Variants in LDHC observed in about 807,000 individuals in gnomAD.
LDHC encodes the protein lactate dehydrogenase C.
LDHC carries 20 observed loss-of-function variants against 30.2 expected under a neutral mutation model. The ratio of observed to expected loss-of-function variants is 0.66; its 90% CI spans 0.47 to 0.96. The LOEUF is 0.96. LDHC is among the 40% of genes least tolerant of loss of function. The probability of loss-of-function intolerance (pLI) is 0.00; values close to 1 mark genes in which losing one functional copy is unlikely to be tolerated. For synonymous variants in LDHC, 139 were observed against 132.7 expected, an observed-to-expected ratio of 1.05 and a Z score of -0.32; for missense variants, 362 against 394.9, an observed-to-expected ratio of 0.92 and a Z score of 0.71.
intron 3 of LDHC, among the ~76,000 whole-genome samples, chr11:18,421,979 C>CCA (rs1848067252): frequency 6.6e-6 from 1 of 151,092 alleles, no homozygotes; most frequent in African/African-American, 2.5e-5. Flanking sequence ...CAAAAATTAG[C>CCA]TGCATGTGGT....
chr11:18,417,138 C>T (rs147713085), intron 3 of LDHC, among the ~76,000 whole-genome samples: 2,300 of 152,244 alleles, frequency 0.015, 60 homozygotes, highest in African/African-American at 0.052. Context: ...CCTGCCTTGG[C>T]CTCCCAAAGT....
In LDHC at chr11:18,412,819, T is replaced by C; in HGVS notation, c.102T>C (p.Ala34=). ...TTGGAACTGGTGCCGTAGGCATGGC[T>C]TGTGCTATTAGTATCTTACTGAAGG... ...TIVGTGAVGM[A]CAISILLKDL... is the part of the protein sequence containing the mutation. Residue 34 remains alanine, a synonymous_variant, in exon 2 of 8, where the codon GCT becomes GCC. Coordinates refer to ENST00000541669, the MANE Select transcript of LDHC (RefSeq NM_017448.5). 6.2e-7 allele frequency: 1 copy of C among 1,613,938 alleles called. No homozygotes were observed. The highest frequency in any genetic ancestry group is 2.2e-5 in the East Asian group (1 of 44,884).
At chr11:18,421,480 G>A (rs1004193223) in intron 3 of LDHC, among the ~76,000 whole-genome samples, 4 of 151,672 alleles carry the variant, frequency 2.6e-5, no homozygotes, top group Admixed American at 1.3e-4. Flanking sequence ...TGAGACCAGC[G>A]TGGCCAACCT....
chr11:18,420,232 T>C (rs746694022), intron 3 of LDHC, among the ~76,000 whole-genome samples: 1 of 152,130 alleles, frequency 6.6e-6, no homozygotes, highest in Non-Finnish European at 1.5e-5. Flanking sequence ...TCATGGAGGA[T>C]AGAATAATCA....
At chr11:18,429,583 G>C (rs569635773) in intron 3 of LDHC, among the ~76,000 whole-genome samples, 154 bp from the exon 4 acceptor site, 1 of 152,262 alleles carries the variant, frequency 6.6e-6, no homozygotes, top group Admixed American at 6.5e-5. Context: ...AGATTATAAA[G>C]GTTAGAAAAG....
At chr11:18,425,694 C>G (rs1266031244) in intron 3 of LDHC, among the ~76,000 whole-genome samples, 1 of 151,834 alleles carries the variant, frequency 6.6e-6, no homozygotes, top group African/African-American at 2.4e-5. Context: ...AATCCCAGTA[C>G]TTTGGGAGGC....
At chr11:18,426,330 C>G (rs1202854626) in intron 3 of LDHC, among the ~76,000 whole-genome samples, 1 of 152,004 alleles carries the variant, frequency 6.6e-6, no homozygotes, top group East Asian at 1.9e-4. Context: ...AGTTCAAGAC[C>G]AACCTGGCCA....
intron 2 of LDHC, among the ~76,000 whole-genome samples, chr11:18,413,654 G>C (rs1476988543): frequency 6.6e-6 from 1 of 150,904 alleles, no homozygotes; most frequent in Non-Finnish European, 1.5e-5. Flanking sequence ...GTAGAGACGG[G>C]GTTTCATCAT....
chr11:18,442,506 G>C (rs1447869002), intron 6 of LDHC, among the ~76,000 whole-genome samples: 1 of 152,062 alleles, frequency 6.6e-6, no homozygotes, highest in Non-Finnish European at 1.5e-5. Context: ...GACTCTATAA[G>C]ACACAGTAGG....
At chr11:18,446,707 C>T (rs146684273) in intron 7 of LDHC, among the ~76,000 whole-genome samples, 6 of 152,346 alleles carry the variant, frequency 3.9e-5, no homozygotes, top group African/African-American at 1.2e-4. Context: ...TCTCCATTCT[C>T]TTGGCTCATC....
chr11:18,442,960 G>T (rs561807198), intron 6 of LDHC, among the ~76,000 whole-genome samples: 2 of 152,184 alleles, frequency 1.3e-5, no homozygotes, highest in Admixed American at 1.3e-4. Context: ...TAAAGCAAAT[G>T]TATTTCTTTT....
In LDHC at chr11:18,438,596, G is replaced by A; in HGVS notation, c.661G>A (p.Asp221Asn). 1.2e-6 allele frequency: 2 copies of A among 1,613,052 alleles called. No individual in the cohort carries two copies. The highest frequency in any genetic ancestry group is 2.2e-5 in the South Asian group (2 of 91,032). Residue 221 changes from aspartate (D) to asparagine (N), a missense_variant, in exon 6 of 8, where the codon GAT (aspartate) becomes AAT (asparagine). Transcript: ENST00000541669. ...LKTLDPKLGT[D>N]SDKEHWKNIH... ...GACTCTGGACCCTAAATTAGGAACG[G>A]ATTCAGATAAGGAACACTGGAAAAA...
At chr11:18,416,393 A>G (rs1361079430) in intron 3 of LDHC, among the ~76,000 whole-genome samples, 1 of 152,166 alleles carries the variant, frequency 6.6e-6, no homozygotes, top group Non-Finnish European at 1.5e-5. Flanking sequence ...TAATTAGGAA[A>G]CATAATTATT....
At chr11:18,424,934 G>A (rs544564836) in intron 3 of LDHC, among the ~76,000 whole-genome samples, 2 of 152,262 alleles carry the variant, frequency 1.3e-5, no homozygotes, top group Middle Eastern at 3.4e-3. Flanking sequence ...CTTGAACCTG[G>A]GAGGCGGAAG....
chr11:18,448,790 CTG>C (rs2133849330), intron 7 of LDHC, among the ~76,000 whole-genome samples: 1 of 147,738 alleles, frequency 6.8e-6, no homozygotes, highest in East Asian at 2.0e-4. Context: ...TAAACAATCT[CTG>C]TATTTCACAG....
At chr11:18,439,821 A>AAAC (rs1554964747) in intron 6 of LDHC, among the ~76,000 whole-genome samples, 1 of 143,288 alleles carries the variant, frequency 7.0e-6, no homozygotes, top group Non-Finnish European at 1.5e-5. Flanking sequence ...TAAAAAAAAA[A>AAAC]AAAAAAAAAA....
intron 7 of LDHC, among the ~76,000 whole-genome samples, chr11:18,449,961 A>G (rs1050867097): frequency 6.6e-6 from 1 of 151,874 alleles, no homozygotes; most frequent in Admixed American, 6.6e-5. Context: ...TTCTCCCACA[A>G]CCCCAGACTC....
chr11:18,449,619 G>A (rs1171923796), intron 7 of LDHC, among the ~76,000 whole-genome samples: 2 of 152,110 alleles, frequency 1.3e-5, no homozygotes, highest in Non-Finnish European at 2.9e-5. Flanking sequence ...GCACCCTCAG[G>A]GATGACACTT....
chr11:18,421,451 T>C (rs1215870735), intron 3 of LDHC, among the ~76,000 whole-genome samples: 4 of 151,904 alleles, frequency 2.6e-5, no homozygotes, highest in Non-Finnish European at 2.9e-5. Flanking sequence ...GACAGGCAGA[T>C]CACTTGAGGT....
Sources: gnomAD v4.1 joint callset for allele counts (sites outside exome capture counted in the v4.1 genomes callset) on GRCh38, gnomAD v4.1.1 for gene constraint, MANE v1.5 for transcripts, NCBI Gene and HGNC (gene_info 2026-07-23, HGNC 2026-07-21) for gene names.